SNX27: variants seen among roughly 807,000 people sequenced by gnomAD.
SNX27 encodes sorting nexin 27, also known as sorting nexin-27.
Under a neutral mutation model 71.6 loss-of-function variants are expected in SNX27, and 22 were observed. The ratio of observed to expected loss-of-function variants is 0.31; its 90% confidence interval spans 0.22 to 0.44. SNX27 has a LOEUF of 0.44. Among genes scored for constraint, SNX27 ranks in the 20% least tolerant of loss-of-function variants. The pLI is 1.00. For missense variants in SNX27, 531 were observed against 698.6 expected (o/e 0.76, Z 2.70); for synonymous variants, 269 against 277.2 (o/e 0.97, Z 0.29).
intron 1 of SNX27, among the ~76,000 whole-genome samples, chr1:151,638,636 CTA>C (rs1668578283): frequency 6.6e-6 from 1 of 152,104 alleles, no homozygotes; most frequent in South Asian, 2.1e-4. Context: ...GTTCCTGAAG[CTA>C]TGTGTGGGAT....
chr1:151,668,757 TG>T, intron 7 of SNX27, 122 bp downstream of exon 7: 4 of 759,666 alleles, frequency 5.3e-6, no homozygotes, highest in Non-Finnish European at 8.1e-6. Flanking sequence ...GAATTACATT[TG>T]TAAAATGTTC....
chr1:151,677,531 G>A (rs1266805240), intron 7 of SNX27: 1 of 152,148 alleles, frequency 6.6e-6, no homozygotes, highest in Non-Finnish European at 1.5e-5. Flanking sequence ...GAACAGTGGT[G>A]TGTCTCATAG....
Position 151,612,130 on chromosome 1 carries a change from CAGGCAGGGCGAGCACGCGCCGGG to C in SNX27, c.-67_-45del. The stretch of plus-strand genomic sequence containing the variant: ...CGCGCGTCGGGGGTCGTCCGGCTGC[CAGGCAGGGCGAGCACGCGCCGGG>C]AGGCCTTGGAGGCGTAGGGGGCGGG... On this transcript the variant is annotated 5_prime_UTR_variant, in exon 1 of 12. Coordinates refer to ENST00000458013, the MANE Select transcript of SNX27 (RefSeq NM_001330723.2). The surrounding 1 kb of genome is among the most constrained non-coding windows in gnomAD (Gnocchi z 5.2). The C allele has an allele frequency of 7.9e-7, 1 of 1,270,580 alleles. No homozygotes were observed. The highest frequency in any genetic ancestry group is 9.9e-7 in the Non-Finnish European group (1 of 1,005,326). The allele number at this position is 1,270,580 out of a possible 1,614,324, so 78.7% of individuals were successfully genotyped here.
chr1:151,613,656 T>C (rs1289283383), intron 1 of SNX27, among the ~76,000 whole-genome samples: 1 of 146,642 alleles, frequency 6.8e-6, no homozygotes, highest in African/African-American at 2.5e-5. Context: ...CCCCACCACA[T>C]CCCTCCATGC....
At chr1:151,633,560 CA>C (rs1668340328) in intron 1 of SNX27, among the ~76,000 whole-genome samples, 3 of 40,062 alleles carry the variant, frequency 7.5e-5, no homozygotes, top group Non-Finnish European at 2.8e-4. Context: ...CTGCCTCCCA[CA>C]GTGCTGGGAT....
chr1:151,662,062 C>A, intron 4 of SNX27, 104 bp from the exon 5 acceptor site: 1 of 689,774 alleles, frequency 1.4e-6, no homozygotes, highest in Non-Finnish European at 2.5e-6. Context: ...CATTGGAACT[C>A]ACTTCTTCTC....
chr1:151,692,565 C>G lies in SNX27; in HGVS notation c.1370C>G (p.Thr457Ser). 2 of 1,613,190 alleles carry G rather than the reference C, an allele frequency of 1.2e-6. No homozygotes were observed. Among genetic ancestry groups the G allele is most frequent in the Non-Finnish European group, 1.7e-6 (2 of 1,179,764 alleles). Residue 457 changes from threonine (T) to serine (S), a missense_variant, in exon 9 of 12, where the codon ACT (threonine) becomes AGT (serine). Physicochemically the swap from Thr to Ser is moderately conservative, Grantham distance 58 (BLOSUM62 1). Transcript: ENST00000458013. ...ACGCACTTTAAACTGCATGCCTGCACTGAAGAAGGACAGCTGGAGGTGAGT... is the reference window on the plus strand; with the variant it reads ...ACGCACTTTAAACTGCATGCCTGCAGTGAAGAAGGACAGCTGGAGGTGAGT... ...SITHFKLHAC[T>S]EEGQLENQVI...
intron 1 of SNX27, among the ~76,000 whole-genome samples, chr1:151,625,101 C>T (rs1489742472): frequency 1.3e-5 from 2 of 152,152 alleles, no homozygotes; most frequent in Non-Finnish European, 2.9e-5. Context: ...TTGGGAAGAC[C>T]AGATGCCAAT....
rs1669789129 is a variant in SNX27, at chr1:151,658,260, G to A, written c.569G>A (p.Arg190Lys). ...GTATATAATGTTTACATGGCAGGGA[G>A]GCAGCTGTGTTCTAAGCGGTACCGG... Reference protein sequence around the residue: ...FVVYNVYMAGRQLCSKRYREF... With the variant: ...FVVYNVYMAGKQLCSKRYREF... The change falls in exon 3 of 12, where the codon AGG becomes AAG. Residue 190 changes from arginine (R) to lysine (K), a missense_variant. Physicochemically the swap from Arg to Lys is conservative, Grantham distance 26 (BLOSUM62 2). Transcript: ENST00000458013. 1 of 1,612,008 alleles carries A rather than the reference G, an allele frequency of 6.2e-7. No individual in the cohort carries two copies. The highest frequency in any genetic ancestry group is 8.5e-7 in the Non-Finnish European group (1 of 1,179,268).
intron 1 of SNX27, among the ~76,000 whole-genome samples, chr1:151,616,855 T>C (rs1290048875): frequency 2.0e-5 from 3 of 152,204 alleles, no homozygotes; most frequent in Non-Finnish European, 4.4e-5. Context: ...GGCTCACCTT[T>C]TAAGGGTTAT....
intron 8 of SNX27, among the ~76,000 whole-genome samples, chr1:151,687,820 C>A (rs999927327): frequency 4.6e-5 from 7 of 151,902 alleles, no homozygotes; most frequent in African/African-American, 1.5e-4. Context: ...TGGTGGCGGG[C>A]GCCTGTAGTC....
At position 151,694,397 on chromosome 1, in the gene SNX27, CAG is replaced by C; in HGVS notation, c.1612_1613del (p.Asp538CysfsTer29). The C allele has an allele frequency of 6.5e-7, 1 of 1,550,196 alleles. No homozygotes were observed. Among genetic ancestry groups the C allele is most frequent in the Non-Finnish European group, 8.7e-7 (1 of 1,146,896 alleles). ...CATTTTCCAGATGGCGAGGTCACAG[CAG>C]AGAGATGTGGCCACCTAGCCTTTCC... The part of the protein sequence containing the change: ...ENIFQMARSQ[Q>X]RDVAT On this transcript the variant is annotated frameshift_variant, in exon 12 of 12. Transcript: ENST00000458013. LOFTEE classifies it high-confidence loss of function.
Position 151,668,349 on chromosome 1 carries a change from G to A in SNX27, c.986-123G>A. 6.8e-6 allele frequency: 6 copies of A among 886,448 alleles called. No homozygotes were observed. The South Asian group carries it at 1.3e-4, about 19-fold the overall frequency. The allele number at this position is 886,448 out of a possible 1,614,324, so 54.9% of individuals were successfully genotyped here. A position where few individuals can be genotyped will look rare whatever the true frequency, so the allele number is the denominator to read the frequency against. On this transcript the variant is annotated intron_variant, in intron 6 of 11. Coordinates refer to ENST00000458013, the MANE Select transcript of SNX27 (RefSeq NM_001330723.2). ...TGCTCCCAAGGCAGAACTCCTTGGT[G>A]GATTTGAGATGATGTTCTGGTTAAT...
intron 8 of SNX27, among the ~76,000 whole-genome samples, chr1:151,685,136 A>T (rs1179926969): frequency 6.6e-6 from 1 of 152,124 alleles, no homozygotes; most frequent in Non-Finnish European, 1.5e-5. Flanking sequence ...TTGAACAAAA[A>T]TTTGAGGTAC....
intron 1 of SNX27, among the ~76,000 whole-genome samples, chr1:151,626,501 A>G (rs1327995297): frequency 6.6e-6 from 1 of 152,186 alleles, no homozygotes; most frequent in East Asian, 1.9e-4. Flanking sequence ...CAAGAGATCA[A>G]GACCATCCTG....
At position 151,684,814 on chromosome 1, in the gene SNX27, CTG is replaced by C. The variant is rs1185808937; in HGVS notation, c.1239+1371_1239+1372del. Among the ~76,000 whole-genome samples, 10 of 151,994 alleles carry C rather than the reference CTG, an allele frequency of 6.6e-5. No homozygotes were observed. In the East Asian group the frequency reaches 1.2e-3, roughly 18 times the overall value. On this transcript the variant is annotated intron_variant, in intron 8 of 11. Transcript: ENST00000458013. ...CCAGTTTAGAATAAAGTTATTTAAA[CTG>C]TTTTTTTTTTGAGACTGAGTCTTGC...
rs188849677 is a variant in SNX27, at chr1:151,633,062, T to C, written c.312-5826T>C. On this transcript the variant is annotated intron_variant, in intron 1 of 11. Coordinates refer to ENST00000458013, the MANE Select transcript of SNX27 (RefSeq NM_001330723.2). ...AATTTTTTTGTATTTCTAGTAGAGA[T>C]GGGGTTTCACCGTGTTAGCCAGGAT... 1.3e-3 allele frequency among the ~76,000 whole-genome samples: 203 copies of C among 151,870 alleles called. 1 individual carries two copies. The highest frequency in any genetic ancestry group is 8.3e-3 in the South Asian group (40 of 4,810).
At chr1:151,632,249 C>G (rs1430086554) in intron 1 of SNX27, among the ~76,000 whole-genome samples, 1 of 151,668 alleles carries the variant, frequency 6.6e-6, no homozygotes, top group Non-Finnish European at 1.5e-5. Context: ...TGTCTGCCTT[C>G]CAGTTTCAAG....
chr1:151,665,819 G>A, intron 5 of SNX27, 114 bp from the exon 6 acceptor site: 1 of 747,186 alleles, frequency 1.3e-6, no homozygotes, highest in East Asian at 2.7e-5. Context: ...TTTTTGTGAG[G>A]CCAAGATGGC....
Sources: allele counts gnomAD v4.1 joint callset (sites outside exome capture counted in the v4.1 genomes callset), GRCh38; gene constraint gnomAD v4.1.1; non-coding constraint Gnocchi (gnomAD v3.1); transcripts MANE v1.5; gene names NCBI Gene and HGNC (gene_info 2026-07-23, HGNC 2026-07-21).